YTHDF2: variants seen among roughly 807,000 people sequenced by gnomAD.
YTHDF2 encodes the protein YTH N6-methyladenosine RNA binding protein F2.
In YTHDF2, 2 loss-of-function variants were observed where a neutral mutation model predicts 50.4. That is an observed-to-expected ratio of 0.04 (90% confidence interval 0.02 to 0.12). YTHDF2 has a LOEUF of 0.12. Ranked by LOEUF, YTHDF2 falls within the 10% of genes least tolerant of loss-of-function variation. The pLI, the probability that YTHDF2 is intolerant of heterozygous loss-of-function variation, is 1.00. For synonymous variants in YTHDF2, 217 were observed against 255.6 expected (o/e 0.85, Z 1.44); for missense variants, 483 against 722.6 (o/e 0.67, Z 3.80).
At chr1:28,761,122 TGTGTGTG>T (rs2088119574) in intron 4 of YTHDF2, among the ~76,000 whole-genome samples, 3 of 118,182 alleles carry the variant, frequency 2.5e-5, no homozygotes, top group Admixed American at 1.8e-4. Flanking sequence ...TGTGTGTGTG[TGTGTGTG>T]TATTTTTTTT....
At chr1:28,738,166 T>G in intron 2 of YTHDF2, 93 bp from the exon 3 acceptor site, 1 of 952,546 alleles carries the variant, frequency 1.0e-6, no homozygotes, top group Admixed American at 2.2e-5. Context: ...CTTTGTTAAC[T>G]AGTAAGGTTT....
intron 4 of YTHDF2, among the ~76,000 whole-genome samples, chr1:28,755,458 A>T (rs1191745894): frequency 6.6e-6 from 1 of 152,086 alleles, no homozygotes; most frequent in Non-Finnish European, 1.5e-5. Flanking sequence ...TGAGGTAGGT[A>T]TAAGTAGCTC....
chr1:28,751,685 C>T (rs1048116274), intron 4 of YTHDF2, among the ~76,000 whole-genome samples: 2 of 152,148 alleles, frequency 1.3e-5, no homozygotes, highest in African/African-American at 2.4e-5. Flanking sequence ...TATCTTTCAA[C>T]AAACGTTTGT....
At chr1:28,763,205 T>G (rs1441693917) in intron 4 of YTHDF2, among the ~76,000 whole-genome samples, 2 of 152,182 alleles carry the variant, frequency 1.3e-5, no homozygotes, top group Non-Finnish European at 2.9e-5. Flanking sequence ...TCGACATTAT[T>G]TCTAGTTATT....
In YTHDF2 at chr1:28,750,332, T is replaced by C. The variant is rs547184117; in HGVS notation, c.1716+6346T>C. The stretch of plus-strand genomic sequence containing the variant: ...GATTCTTCATGTCAAAAGACAAAGC[T>C]AGAACGAATGGATAGAGGTTATATG... On this transcript the variant is annotated intron_variant, in intron 4 of 4. Transcript: ENST00000373812. 2.0e-5 allele frequency among the ~76,000 whole-genome samples: 3 copies of C among 152,254 alleles called. No individual in the cohort carries two copies. In the South Asian group the frequency reaches 6.2e-4, roughly 32 times the overall value.
chr1:28,743,615 A>C lies in YTHDF2; in HGVS notation c.1345A>C (p.Met449Leu). The C allele has an allele frequency of 6.2e-7, 1 of 1,614,174 alleles. No individual in the cohort carries two copies. The highest frequency in any genetic ancestry group is 8.5e-7 in the Non-Finnish European group (1 of 1,180,008). The change falls in exon 4 of 5, where the codon ATG (methionine) becomes CTG (leucine). Residue 449 changes from methionine to leucine, a missense_variant. Met to Leu is a conservative substitution (Grantham distance 15, BLOSUM62 2). Coordinates refer to ENST00000373812, the MANE Select transcript of YTHDF2 (RefSeq NM_016258.3). This position sits in a 1 kb window ranked among gnomAD's most constrained non-coding sequence, Gnocchi z 6.9. ...NKRLDAAYRSMNGKGPVYLLF... is the reference protein window; with the variant it reads ...NKRLDAAYRSLNGKGPVYLLF... ...GAGACTGGATGCTGCTTATCGTTCC[A>C]TGAACGGGAAAGGCCCCGTTTACTT... is the stretch of plus-strand genomic sequence containing the variant.
At chr1:28,761,328 A>G (rs2088126804) in intron 4 of YTHDF2, among the ~76,000 whole-genome samples, 1 of 151,882 alleles carries the variant, frequency 6.6e-6, no homozygotes, top group Non-Finnish European at 1.5e-5. Flanking sequence ...TGGAGAGATA[A>G]GGTTTCACTG....
intron 3 of YTHDF2, among the ~76,000 whole-genome samples, chr1:28,742,136 G>A (rs1355722755): frequency 6.7e-6 from 1 of 148,468 alleles, no homozygotes; most frequent in Non-Finnish European, 1.5e-5. Flanking sequence ...TGCAACCTCC[G>A]CCTCCTGGGT....
chr1:28,740,573 T>A (rs1245395696), intron 3 of YTHDF2, among the ~76,000 whole-genome samples: 1 of 152,212 alleles, frequency 6.6e-6, no homozygotes, highest in South Asian at 2.1e-4. Flanking sequence ...AAGTTTAATC[T>A]GTTGATTATA....
chr1:28,745,724 GC>G (rs1222221011), intron 4 of YTHDF2, among the ~76,000 whole-genome samples: 1,525 of 43,632 alleles, frequency 0.035, 22 homozygotes, highest in African/African-American at 0.11. Context: ...ATCTCCCCCC[GC>G]CCCCCCCCCC....
intron 4 of YTHDF2, among the ~76,000 whole-genome samples, chr1:28,746,199 T>C (rs910105498): frequency 1.3e-5 from 2 of 152,150 alleles, no homozygotes; most frequent in Non-Finnish European, 2.9e-5. Context: ...CATAGCAGAT[T>C]TATAGACGTC....
At chr1:28,749,789 A>G (rs1324492938) in intron 4 of YTHDF2, among the ~76,000 whole-genome samples, 1 of 152,082 alleles carries the variant, frequency 6.6e-6, no homozygotes, top group Non-Finnish European at 1.5e-5. Flanking sequence ...GTACTTGGGT[A>G]AATGATTTTT....
intron 4 of YTHDF2, among the ~76,000 whole-genome samples, chr1:28,757,059 A>G (rs1366690392): frequency 1.3e-5 from 2 of 152,176 alleles, no homozygotes; most frequent in East Asian, 3.8e-4. Flanking sequence ...CCTGGACCAA[A>G]TTCTAGTTCC....
chr1:28,750,891 A>G (rs1169798292), intron 4 of YTHDF2, among the ~76,000 whole-genome samples: 2 of 151,800 alleles, frequency 1.3e-5, no homozygotes, highest in Non-Finnish European at 1.5e-5. Flanking sequence ...CTAGGAGTTC[A>G]AGACCATCCT....
At chr1:28,745,388 G>C (rs1015892163) in intron 4 of YTHDF2, among the ~76,000 whole-genome samples, 1 of 152,186 alleles carries the variant, frequency 6.6e-6, no homozygotes, top group Non-Finnish European at 1.5e-5. Flanking sequence ...CTTCCTTTTT[G>C]ATAGTCCTTT....
chr1:28,744,975 T>C (rs2087837165), intron 4 of YTHDF2, among the ~76,000 whole-genome samples: 1 of 152,182 alleles, frequency 6.6e-6, no homozygotes, highest in Non-Finnish European at 1.5e-5. Context: ...TAGACATTGT[T>C]AAATGTAGGA....
intron 4 of YTHDF2, among the ~76,000 whole-genome samples, chr1:28,754,304 G>C (rs1433235265): frequency 6.6e-6 from 1 of 152,210 alleles, no homozygotes; most frequent in Non-Finnish European, 1.5e-5. Flanking sequence ...AAGGTTGGCA[G>C]GTCATTTGAG....
chr1:28,764,687 G>A (rs1173432389), intron 4 of YTHDF2, among the ~76,000 whole-genome samples: 1 of 151,296 alleles, frequency 6.6e-6, no homozygotes, highest in Non-Finnish European at 1.5e-5. Context: ...GATTACAGGC[G>A]TGGGCCATCG....
intron 4 of YTHDF2, among the ~76,000 whole-genome samples, chr1:28,746,874 G>C (rs896390065): frequency 2.6e-5 from 4 of 152,148 alleles, no homozygotes; most frequent in African/African-American, 9.7e-5. Flanking sequence ...CTGAGGTCAG[G>C]AGTTTGAGAC....
Sources: gnomAD v4.1 joint callset for allele counts (sites outside exome capture counted in the v4.1 genomes callset) on GRCh38, gnomAD v4.1.1 for gene constraint, Gnocchi (gnomAD v3.1) non-coding constraint, MANE v1.5 for transcripts, NCBI Gene and HGNC (gene_info 2026-07-23, HGNC 2026-07-21) for gene names.